AKAP13: variants seen among roughly 807,000 people sequenced by gnomAD.
The protein encoded by AKAP13 is A-kinase anchoring protein 13.
Under a neutral mutation model 264.5 loss-of-function variants are expected in AKAP13, and 80 were observed. The observed-to-expected ratio is 0.30, with a 90% CI of 0.25 to 0.36. The LOEUF is 0.36. Among genes scored for constraint, AKAP13 ranks in the 10% least tolerant of loss-of-function variants. AKAP13 has a pLI of 1.00. For missense variants in AKAP13, 3,712 were observed against 3,435.2 expected (o/e 1.08, Z -2.01); for synonymous variants, 1,380 against 1,250.2 (o/e 1.10, Z -2.19).
chr15:85,715,932 A>G lies in AKAP13; in HGVS notation c.5735+9A>G. On this transcript the variant is annotated intron_variant, in intron 20 of 36. Coordinates refer to ENST00000394518, the MANE Select transcript of AKAP13 (RefSeq NM_007200.5). ...ATACAGAACATTACTGGGTAAGTGG[A>G]GATATTTAAAGATAGCACAGTTGGC... 6.2e-7 allele frequency: 1 copy of G among 1,608,880 alleles called. No homozygotes were observed. The highest frequency in any genetic ancestry group is 1.1e-5 in the South Asian group (1 of 90,296).
chr15:85,639,417 C>G lies in AKAP13; in HGVS notation c.4205C>G (p.Ala1402Gly), dbSNP rs763244043. 39 of 1,612,984 alleles carry G rather than the reference C, an allele frequency of 2.4e-5. No homozygotes were observed. The East Asian group carries it at 8.5e-4, about 35-fold the overall frequency. Residue 1402 changes from alanine to glycine, a missense_variant, in exon 9 of 37, where the codon GCA (alanine) becomes GGA (glycine). Coordinates refer to ENST00000394518, the MANE Select transcript of AKAP13 (RefSeq NM_007200.5). ...TGTACAATAGAGCCATGCCCTGATG[C>G]AGCATCTCTTCTGGCTTCCAAGCAG... ...NWCTIEPCPDAASLLASKQSP... is the reference protein window; with the variant it reads ...NWCTIEPCPDGASLLASKQSP...
chr15:85,730,693 G>T lies in AKAP13; in HGVS notation c.7268G>T (p.Ser2423Ile). 2 of 1,613,416 alleles carry T rather than the reference G, an allele frequency of 1.2e-6. No individual in the cohort carries two copies. Among genetic ancestry groups the T allele is most frequent in the Non-Finnish European group, 1.7e-6 (2 of 1,179,544 alleles). The change falls in exon 30 of 37, where the codon AGT becomes ATT. Residue 2423 changes from serine to isoleucine, a missense_variant. By Grantham distance (142) the Ser-to-Ile change is moderately radical (BLOSUM62 -2). Transcript: ENST00000394518. Reference sequence around the variant, plus strand: ...CTCAAAGGAGGACCTTTAATGAAAAGTGCAATAAATGAGGGTAATTAACAT... The same window carrying T: ...CTCAAAGGAGGACCTTTAATGAAAATTGCAATAAATGAGGGTAATTAACAT... ...EALKGGPLMK[S>I]AINEVEILQG...
chr15:85,549,172 G>C (rs1257686596), intron 5 of AKAP13, among the ~76,000 whole-genome samples: 1 of 152,092 alleles, frequency 6.6e-6, no homozygotes, highest in Non-Finnish European at 1.5e-5. Context: ...CTTGATGTAG[G>C]TTGGAAATTA....
intron 1 of AKAP13, among the ~76,000 whole-genome samples, chr15:85,448,345 C>T (rs1204600853): frequency 1.3e-5 from 2 of 152,156 alleles, no homozygotes; most frequent in Non-Finnish European, 2.9e-5. Context: ...GTTTGTTTTG[C>T]TGTGCAGAAG....
chr15:85,743,881 A>G, intron 36 of AKAP13, 56 bp downstream of exon 36: 14 of 1,534,446 alleles, frequency 9.1e-6, no homozygotes, highest in Non-Finnish European at 1.1e-5. Context: ...ATTCTGAGAG[A>G]GGGTAGATTT....
chr15:85,590,015 A>G (rs1232020455), intron 8 of AKAP13, among the ~76,000 whole-genome samples: 1 of 152,068 alleles, frequency 6.6e-6, no homozygotes, highest in Non-Finnish European at 1.5e-5. Context: ...GTCTGTTTTC[A>G]TGCTGAAAAG....
intron 1 of AKAP13, among the ~76,000 whole-genome samples, chr15:85,473,741 G>A (rs2075049472): frequency 6.6e-6 from 1 of 152,188 alleles, no homozygotes; most frequent in African/African-American, 2.4e-5. Context: ...GGGAGGTGAA[G>A]CCCAACCTCT....
intron 17 of AKAP13, among the ~76,000 whole-genome samples, chr15:85,695,571 T>G (rs1382545793): frequency 1.3e-5 from 2 of 152,238 alleles, no homozygotes; most frequent in Admixed American, 6.5e-5. Flanking sequence ...ACTGACTTTA[T>G]GACACACATT....
At chr15:85,444,844 C>T (rs913056458) in intron 1 of AKAP13, among the ~76,000 whole-genome samples, 3 of 152,134 alleles carry the variant, frequency 2.0e-5, no homozygotes, top group African/African-American at 7.2e-5. Context: ...TCTCCTAGCC[C>T]CTTTGCCTTT....
At chr15:85,415,991 G>C (rs2072227952) in intron 1 of AKAP13, among the ~76,000 whole-genome samples, 1 of 152,156 alleles carries the variant, frequency 6.6e-6, no homozygotes, top group Admixed American at 6.5e-5. Context: ...TTTGTAAATA[G>C]AAGAATAATG....
chr15:85,589,148 C>T (rs1333608467), intron 8 of AKAP13, among the ~76,000 whole-genome samples: 1 of 152,182 alleles, frequency 6.6e-6, no homozygotes, highest in African/African-American at 2.4e-5. Flanking sequence ...AAAACAGACA[C>T]ACACTTTAAT....
intron 2 of AKAP13, among the ~76,000 whole-genome samples, chr15:85,496,245 C>T (rs2075869452): frequency 6.6e-6 from 1 of 152,104 alleles, no homozygotes; most frequent in Non-Finnish European, 1.5e-5. Flanking sequence ...AGAGCGTATC[C>T]ACTGGACTTG....
At chr15:85,558,720 GTTCTTAATCTTTCTATCATGTTTAAGT>G (rs933034899) in intron 5 of AKAP13, among the ~76,000 whole-genome samples, 2 of 152,102 alleles carry the variant, frequency 1.3e-5, no homozygotes, top group African/African-American at 4.8e-5. Flanking sequence ...TTCATATTTA[GTTCTTAATCTTTCTATCATGTTTAAGT>G]TTCTCATGAT....
intron 1 of AKAP13, among the ~76,000 whole-genome samples, chr15:85,391,155 A>G (rs758746906): frequency 6.6e-6 from 1 of 152,244 alleles, no homozygotes; most frequent in African/African-American, 2.4e-5. Flanking sequence ...GGAAGGCTAG[A>G]TATGAATGAA....
At chr15:85,507,383 C>CAA (rs35886054) in intron 2 of AKAP13, among the ~76,000 whole-genome samples, 33,494 of 137,440 alleles carry the variant, frequency 0.24, 4,141 homozygotes, top group African/African-American at 0.33. Context: ...TTTGTGCTAC[C>CAA]AAAAAAAAAA....
intron 1 of AKAP13, among the ~76,000 whole-genome samples, chr15:85,401,003 A>G (rs1480793780): frequency 1.3e-5 from 2 of 151,242 alleles, no homozygotes; most frequent in Admixed American, 6.6e-5. Context: ...CTGGGATCAC[A>G]TGTGTGTGTC....
At chr15:85,554,153 C>T (rs1479437627) in intron 5 of AKAP13, among the ~76,000 whole-genome samples, 2 of 152,150 alleles carry the variant, frequency 1.3e-5, no homozygotes, top group African/African-American at 4.8e-5. Flanking sequence ...AGCAGGCATC[C>T]ATCTCTTTGG....
At chr15:85,444,525 T>G (rs549686188) in intron 1 of AKAP13, among the ~76,000 whole-genome samples, 2 of 152,218 alleles carry the variant, frequency 1.3e-5, no homozygotes, top group Non-Finnish European at 2.9e-5. Context: ...AGCAGTTGTT[T>G]AGAGTAAAAT....
At chr15:85,707,745 T>C (rs1376832259) in intron 17 of AKAP13, among the ~76,000 whole-genome samples, 1 of 152,104 alleles carries the variant, frequency 6.6e-6, no homozygotes, top group Middle Eastern at 3.2e-3. Flanking sequence ...TGAGTCGTTG[T>C]TCCTCTCATT....
Sources: allele counts gnomAD v4.1 joint callset (sites outside exome capture counted in the v4.1 genomes callset), GRCh38; gene constraint gnomAD v4.1.1; transcripts MANE v1.5; gene names NCBI Gene and HGNC (gene_info 2026-07-23, HGNC 2026-07-21).